The following LARS2 variants were observed in gnomAD, a reference collection of about 807,000 sequenced individuals.
The protein encoded by LARS2 is leucine--tRNA ligase, mitochondrial.
LARS2 carries 81 observed loss-of-function variants against 116.6 expected under a neutral mutation model. The ratio of observed to expected loss-of-function variants is 0.69; its 90% CI spans 0.58 to 0.84. The LOEUF is 0.84. Ranked by LOEUF, LARS2 falls within the 40% of genes least tolerant of loss-of-function variation. The pLI is 0.00. For missense variants in LARS2, 968 were observed against 1,114.5 expected (o/e 0.87, Z 1.87); for synonymous variants, 396 against 407.2 (o/e 0.97, Z 0.33).
At position 45,417,135 on chromosome 3, in the gene LARS2, A is replaced by ATG. The variant is rs373432873; in HGVS notation, c.364-333_364-332dup. ...TGAGCATTTGGAAAGCCTATACATTATGTGTGTGTGTGTGTATATATATAT... is the reference window on the plus strand; with the variant it reads ...TGAGCATTTGGAAAGCCTATACATTATGTGTGTGTGTGTGTGTATATATATAT... On this transcript the variant is annotated intron_variant, in intron 4 of 21. Transcript: ENST00000645846. Among the ~76,000 whole-genome samples, 436 of 150,630 alleles carry ATG rather than the reference A, an allele frequency of 2.9e-3. 3 individuals carry two copies. The highest frequency in any genetic ancestry group is 4.4e-3 in the Non-Finnish European group (300 of 67,556).
intron 6 of LARS2, among the ~76,000 whole-genome samples, chr3:45,444,663 C>CAAAAAAAAA (rs1247862635): frequency 1.2e-5 from 1 of 83,340 alleles, no homozygotes. Context: ...GACTCCGTCT[C>CAAAAAAAAA]AAAAAAAAAA....
chr3:45,394,443 C>T lies in LARS2; in HGVS notation c.-11C>T. 2.5e-6 allele frequency: 4 copies of T among 1,607,640 alleles called. No individual in the cohort carries two copies. The highest frequency in any genetic ancestry group is 2.2e-5 in the East Asian group (1 of 44,842). On this transcript the variant is annotated 5_prime_UTR_variant, in exon 3 of 22. Coordinates refer to ENST00000645846, the MANE Select transcript of LARS2 (RefSeq NM_015340.4). Reference sequence around the variant, plus strand: ...TGCCCTCTTTTTCAGGGCCTTCTCACCTTCTGAAGAATGGCTTCTGTTTGG... The same window carrying T: ...TGCCCTCTTTTTCAGGGCCTTCTCATCTTCTGAAGAATGGCTTCTGTTTGG...
chr3:45,535,614 A>G lies in LARS2; in HGVS notation c.2405-6215A>G, dbSNP rs184701509. Reference sequence around the variant, plus strand: ...GATGGAGAACATATTCATGGTTGCCATGGGTTAGGAGTTGTGGGTGGTGGC... The same window carrying G: ...GATGGAGAACATATTCATGGTTGCCGTGGGTTAGGAGTTGTGGGTGGTGGC... On this transcript the variant is annotated intron_variant, in intron 20 of 21. Coordinates refer to ENST00000645846, the MANE Select transcript of LARS2 (RefSeq NM_015340.4). 1.1e-3 allele frequency among the ~76,000 whole-genome samples: 166 copies of G among 152,276 alleles called. 1 individual carries two copies. In the East Asian group the frequency reaches 0.029, roughly 27 times the overall value.
intron 19 of LARS2, among the ~76,000 whole-genome samples, chr3:45,522,628 GC>G (rs1247869751): frequency 9.9e-5 from 15 of 151,968 alleles, no homozygotes; most frequent in Non-Finnish European, 1.5e-5. Flanking sequence ...GTAGTCCCAG[GC>G]ACTCAGGAGG....
intron 6 of LARS2, among the ~76,000 whole-genome samples, chr3:45,425,414 T>C (rs1698577610): frequency 6.6e-6 from 1 of 152,218 alleles, no homozygotes; most frequent in Non-Finnish European, 1.5e-5. Flanking sequence ...CACTCGTCCC[T>C]GCAAGCCATG....
chr3:45,425,406 C>G (rs190419892), intron 6 of LARS2, among the ~76,000 whole-genome samples: 8 of 152,190 alleles, frequency 5.3e-5, no homozygotes, highest in Non-Finnish European at 8.8e-5. Flanking sequence ...TGACCTCACA[C>G]TCGTCCCTGC....
chr3:45,393,300 G>A (rs1159844138), intron 2 of LARS2, among the ~76,000 whole-genome samples: 1 of 152,222 alleles, frequency 6.6e-6, no homozygotes, highest in African/African-American at 2.4e-5. Context: ...CTCTGGGCCA[G>A]GTGTGGTGGC....
intron 6 of LARS2, among the ~76,000 whole-genome samples, chr3:45,433,918 AC>A (rs1698761426): frequency 6.6e-6 from 1 of 152,004 alleles, no homozygotes; most frequent in Non-Finnish European, 1.5e-5. Context: ...AAAATGTGCC[AC>A]TTCTTTCAGG....
Position 45,547,789 on chromosome 3 carries a change from A to G in LARS2, c.*259A>G, listed in dbSNP as rs1700897671. 1 of 385,990 alleles carries G rather than the reference A, an allele frequency of 2.6e-6. No individual in the cohort carries two copies. The highest frequency in any genetic ancestry group is 4.6e-6 in the Non-Finnish European group (1 of 215,076). 23.9% of individuals were successfully genotyped at this position (385,990 alleles called of 1,614,324 possible). A position where few individuals can be genotyped will look rare whatever the true frequency, so the allele number is the denominator to read the frequency against. On this transcript the variant is annotated 3_prime_UTR_variant, in exon 22 of 22. Coordinates refer to ENST00000645846, the MANE Select transcript of LARS2 (RefSeq NM_015340.4). ...ATCCTGCCCCTCACCCCCCACCCAC[A>G]CTGCAGGTAGAGGAGGCCATCTGAT... is the stretch of plus-strand genomic sequence containing the variant.
chr3:45,491,482 G>A (rs367832451), intron 12 of LARS2, 35 bp from the exon 13 acceptor site: 19 of 1,606,668 alleles, frequency 1.2e-5, no homozygotes, highest in Middle Eastern at 3.4e-4. Context: ...GGTGCTATGC[G>A]GAGAGGAGTG....
intron 3 of LARS2, among the ~76,000 whole-genome samples, chr3:45,397,230 T>C (rs1168794312): frequency 1.3e-5 from 2 of 152,194 alleles, no homozygotes; most frequent in African/African-American, 4.8e-5. Context: ...TGCTCAATTA[T>C]AACAGAAACT....
In LARS2 at chr3:45,446,934, A is replaced by G. The variant is rs900700721; in HGVS notation, c.560A>G (p.Tyr187Cys). 2.5e-6 allele frequency: 4 copies of G among 1,611,534 alleles called. No individual in the cohort carries two copies. The highest frequency in any genetic ancestry group is 8.5e-7 in the Non-Finnish European group (1 of 1,178,376). ...CLPDYYKWTQ[Y>C]LFIKLYEAGL... ...CCAGATTACTACAAGTGGACTCAGT[A>G]TCTCTTTATTAAACTGTATGAGGCT... is the stretch of plus-strand genomic sequence containing the variant. The change falls in exon 7 of 22, where the codon TAT becomes TGT. Residue 187 changes from tyrosine (Y) to cysteine (C), a missense_variant. Transcript: ENST00000645846.
chr3:45,395,183 C>T (rs1698024284), intron 3 of LARS2, among the ~76,000 whole-genome samples: 2 of 152,230 alleles, frequency 1.3e-5, no homozygotes. Flanking sequence ...GAAGTAACTG[C>T]CCCTTCCCTG....
chr3:45,540,819 T>C (rs1454087035), intron 20 of LARS2, among the ~76,000 whole-genome samples: 2 of 152,078 alleles, frequency 1.3e-5, no homozygotes, highest in African/African-American at 4.8e-5. Flanking sequence ...AGGGTCTTGC[T>C]CTGTCACCCA....
At position 45,419,658 on chromosome 3, in the gene LARS2, T is replaced by C. The variant is rs931654636; in HGVS notation, c.456-11T>C. 4.3e-6 allele frequency: 7 copies of C among 1,611,222 alleles called. No individual in the cohort carries two copies. The African/African-American group carries it at 9.4e-5, about 22-fold the overall frequency. On this transcript the variant is annotated splice_polypyrimidine_tract_variant and intron_variant, in intron 5 of 21. Coordinates refer to ENST00000645846, the MANE Select transcript of LARS2 (RefSeq NM_015340.4). Reference sequence around the variant, plus strand: ...CTCTAAAAACCAAACCTTTTTCCCATTGTTTCACAGTAATATTAAACACAT... The same window carrying C: ...CTCTAAAAACCAAACCTTTTTCCCACTGTTTCACAGTAATATTAAACACAT...
At chr3:45,490,113 A>T (rs945682950) in intron 12 of LARS2, among the ~76,000 whole-genome samples, 1 of 152,232 alleles carries the variant, frequency 6.6e-6, no homozygotes, top group East Asian at 1.9e-4. Context: ...TTTACTTCAT[A>T]AACTGCATCC....
At chr3:45,495,990 G>A (rs985400808) in intron 13 of LARS2, among the ~76,000 whole-genome samples, 1 of 152,014 alleles carries the variant, frequency 6.6e-6, no homozygotes, top group Non-Finnish European at 1.5e-5. Context: ...CTCCCAAGTA[G>A]CTGGGACTAC....
intron 8 of LARS2, among the ~76,000 whole-genome samples, chr3:45,463,347 A>G (rs1050697063): frequency 6.6e-6 from 1 of 152,236 alleles, no homozygotes; most frequent in African/African-American, 2.4e-5. Context: ...GGACATAAGC[A>G]TGCCTTCATG....
intron 6 of LARS2, among the ~76,000 whole-genome samples, chr3:45,435,135 G>A (rs891867016): frequency 1.3e-5 from 2 of 152,236 alleles, no homozygotes; most frequent in African/African-American, 2.4e-5. Flanking sequence ...CAGGGACTCC[G>A]CTGACACCAT....
Sources: gnomAD v4.1 joint callset for allele counts (sites outside exome capture counted in the v4.1 genomes callset) on GRCh38, gnomAD v4.1.1 for gene constraint, MANE v1.5 for transcripts, NCBI Gene and HGNC (gene_info 2026-07-23, HGNC 2026-07-21) for gene names.